EZH2: variants seen among roughly 807,000 people sequenced by gnomAD.
EZH2 encodes enhancer of zeste 2 polycomb repressive complex 2 subunit, also known as histone-lysine N-methyltransferase EZH2.
A neutral mutation model predicts 98.4 loss-of-function variants in EZH2; 18 were observed. The ratio of observed to expected loss-of-function variants is 0.18; its 90% confidence interval spans 0.13 to 0.27. The LOEUF is 0.27. EZH2 is among the 10% of genes least tolerant of loss of function. The pLI, the probability that EZH2 is intolerant of heterozygous loss-of-function variation, is 1.00. For synonymous variants in EZH2, 338 were observed against 312.3 expected (o/e 1.08, Z -0.87); for missense variants, 470 against 935.1 (o/e 0.50, Z 6.49).
At chr7:148,872,576 A>C (rs1338653988) in intron 1 of EZH2, among the ~76,000 whole-genome samples, 1 of 152,270 alleles carries the variant, frequency 6.6e-6, no homozygotes, top group Non-Finnish European at 1.5e-5. Context: ...AATAGTAATT[A>C]GTTCTATTAT....
chr7:148,814,915 C>T lies in EZH2; in HGVS notation c.1671G>A (p.Glu557=). Residue 557 remains glutamate (E), a splice_region_variant and synonymous_variant, in exon 14 of 20, where the codon GAG becomes GAA. Coordinates refer to ENST00000320356, the MANE Select transcript of EZH2 (RefSeq NM_004456.5). Reference sequence around the variant, plus strand: ...TGCATCAAAGCAACAAATACTTACACTCTGAACTACATTGACAAAACTTTT... The same window carrying T: ...TGCATCAAAGCAACAAATACTTACATTCTGAACTACATTGACAAAACTTTT... ...FCEKFCQCSS[E]CQNRFPGCRC... is the part of the protein sequence containing the mutation. The T allele has an allele frequency of 6.2e-7, 1 of 1,612,324 alleles. No individual in the cohort carries two copies. Among genetic ancestry groups the T allele is most frequent in the Non-Finnish European group, 8.5e-7 (1 of 1,179,712 alleles).
intron 1 of EZH2, among the ~76,000 whole-genome samples, chr7:148,875,507 T>G (rs1820050958): frequency 6.6e-6 from 1 of 152,148 alleles, no homozygotes; most frequent in Non-Finnish European, 1.5e-5. Flanking sequence ...TGAAAAGATG[T>G]TCCAACATCA....
chr7:148,851,565 A>G (rs1254753025), intron 1 of EZH2, among the ~76,000 whole-genome samples: 1 of 152,198 alleles, frequency 6.6e-6, no homozygotes, highest in Non-Finnish European at 1.5e-5. Context: ...AAGTAAGCAT[A>G]GTATTAAAAC....
intron 1 of EZH2, among the ~76,000 whole-genome samples, chr7:148,855,506 T>C (rs970705338): frequency 1.3e-5 from 2 of 152,146 alleles, no homozygotes; most frequent in African/African-American, 4.8e-5. Flanking sequence ...AAAAGGCTAA[T>C]TCAAGAGCCT....
At chr7:148,855,703 G>C (rs1224395271) in intron 1 of EZH2, among the ~76,000 whole-genome samples, 1 of 151,926 alleles carries the variant, frequency 6.6e-6, no homozygotes, top group Non-Finnish European at 1.5e-5. Context: ...TTCAAGACCA[G>C]CCTGCCCAAC....
intron 1 of EZH2, among the ~76,000 whole-genome samples, chr7:148,849,359 A>AG (rs1000083879): frequency 2.6e-5 from 4 of 152,226 alleles, no homozygotes; most frequent in Non-Finnish European, 5.9e-5. Context: ...AAAGCTGGAC[A>AG]GGGGGCAACT....
At chr7:148,844,318 C>A (rs894379767) in intron 3 of EZH2, among the ~76,000 whole-genome samples, 1 of 152,134 alleles carries the variant, frequency 6.6e-6, no homozygotes, top group Admixed American at 6.5e-5. Flanking sequence ...TCCTTTTTAG[C>A]CCTAAAGCTT....
intron 1 of EZH2, among the ~76,000 whole-genome samples, chr7:148,882,551 A>C (rs1821157954): frequency 6.6e-6 from 1 of 152,220 alleles, no homozygotes; most frequent in African/African-American, 2.4e-5. Flanking sequence ...AAAATTACAA[A>C]TAAACAAGTT....
intron 1 of EZH2, among the ~76,000 whole-genome samples, chr7:148,858,028 C>G (rs191431960): frequency 3.5e-4 from 53 of 150,024 alleles, no homozygotes; most frequent in Middle Eastern, 3.5e-3. Flanking sequence ...CGCAGTGGCT[C>G]ACGCCTATAA....
At chr7:148,881,104 T>A (rs540712298) in intron 1 of EZH2, among the ~76,000 whole-genome samples, 1 of 152,254 alleles carries the variant, frequency 6.6e-6, no homozygotes, top group East Asian at 1.9e-4. Context: ...GAATCTATCA[T>A]GATTTACAGA....
intron 17 of EZH2, chr7:148,810,123 C>G (rs917522783): frequency 3.2e-5 from 14 of 441,424 alleles, no homozygotes; most frequent in Non-Finnish European, 5.8e-5. Flanking sequence ...GCCGGGACTC[C>G]AGAGAGGCGG....
intron 16 of EZH2, 150 bp from the exon 17 acceptor site, chr7:148,810,564 C>T (rs1233043602): frequency 7.4e-6 from 4 of 537,444 alleles, no homozygotes; most frequent in Non-Finnish European, 1.4e-5. Flanking sequence ...CCCATTCGGT[C>T]TGCGCAGTAA....
At chr7:148,878,048 G>C (rs1820422859) in intron 1 of EZH2, among the ~76,000 whole-genome samples, 1 of 152,086 alleles carries the variant, frequency 6.6e-6, no homozygotes. Flanking sequence ...TTCGGAGTGT[G>C]TTATTAAATT....
chr7:148,878,845 A>G (rs1337262416), intron 1 of EZH2, among the ~76,000 whole-genome samples: 3 of 146,868 alleles, frequency 2.0e-5, no homozygotes, highest in South Asian at 2.2e-4. Flanking sequence ...GTTGCAGTGA[A>G]CTGAGATCAC....
rs566622851 is a variant in EZH2 at position 148,816,748 on chromosome 7, T to G, written c.1441A>C (p.Ile481Leu). ...VYEFRVKESS[I>L]IAPAPAEDVD... Reference sequence around the variant, plus strand: ...TCCTCAGCGGGAGCTGGAGCTATGATGCTAGATTCTTTGACTCTAAACTCA... The same window carrying G: ...TCCTCAGCGGGAGCTGGAGCTATGAGGCTAGATTCTTTGACTCTAAACTCA... The change falls in exon 12 of 20, where the codon ATC becomes CTC. Residue 481 changes from isoleucine to leucine, a missense_variant. Transcript: ENST00000320356. The G allele has an allele frequency of 6.2e-7, 1 of 1,614,144 alleles. No homozygotes were observed. The highest frequency in any genetic ancestry group is 8.5e-7 in the Non-Finnish European group (1 of 1,179,964).
At chr7:148,843,842 G>A (rs1270315416) in intron 3 of EZH2, among the ~76,000 whole-genome samples, 3 of 151,908 alleles carry the variant, frequency 2.0e-5, no homozygotes, top group East Asian at 3.9e-4. Flanking sequence ...TGATCCGCCC[G>A]CCTCGGCCTC....
chr7:148,833,373 C>T (rs995735077), intron 3 of EZH2, among the ~76,000 whole-genome samples: 2 of 151,410 alleles, frequency 1.3e-5, no homozygotes, highest in Admixed American at 6.6e-5. Context: ...AGGAGAATGG[C>T]GTGAACCCGG....
intron 1 of EZH2, among the ~76,000 whole-genome samples, chr7:148,869,925 C>A (rs1269673112): frequency 6.6e-6 from 1 of 152,204 alleles, no homozygotes; most frequent in African/African-American, 2.4e-5. Flanking sequence ...TGTAGCCCTC[C>A]AAAATATCTT....
rs765380980 is a variant in EZH2, at chr7:148,829,840, A to G, written c.372T>C (p.Asp124=). The G allele has an allele frequency of 9.1e-5, 143 of 1,570,048 alleles. No homozygotes were observed. The highest frequency in any genetic ancestry group is 1.2e-4 in the Non-Finnish European group (139 of 1,155,596). Residue 124 remains aspartate (D), a synonymous_variant, in exon 5 of 20, where the codon GAT becomes GAC. Coordinates refer to ENST00000320356, the MANE Select transcript of EZH2 (RefSeq NM_004456.5). ...SPLQQNFMVE[D]ETVLHNIPYM... ...AAGGAATGTTATGTAAAACAGTTTC[A>G]TCTTCCACCTAAAAGAAAAAAATAT... is the stretch of plus-strand genomic sequence containing the variant.
Sources: gnomAD v4.1 joint callset for allele counts (sites outside exome capture counted in the v4.1 genomes callset) on GRCh38, gnomAD v4.1.1 for gene constraint, MANE v1.5 for transcripts, NCBI Gene and HGNC (gene_info 2026-07-23, HGNC 2026-07-21) for gene names.